Variants in ZFYVE28 observed in about 807,000 individuals in gnomAD.
ZFYVE28 encodes the protein lateral signaling target protein 2 homolog.
In ZFYVE28, 40 loss-of-function variants were observed where a neutral mutation model predicts 82.1. The observed-to-expected ratio is 0.49, with a 90% CI of 0.38 to 0.63. The LOEUF (loss-of-function observed/expected upper bound fraction) is 0.63. ZFYVE28 is among the 30% of genes least tolerant of loss of function. The pLI, the probability that ZFYVE28 is intolerant of heterozygous loss-of-function variation, is 0.00. For missense variants in ZFYVE28, 1,321 were observed against 1,242.1 expected (o/e 1.06, Z -0.96); for synonymous variants, 612 against 546.1 (o/e 1.12, Z -1.68).
In ZFYVE28 at chr4:2,405,785, C is replaced by T. The variant is rs140800113; in HGVS notation, c.39+12500G>A. On this transcript the variant is annotated intron_variant, in intron 1 of 12. Coordinates refer to ENST00000290974, the MANE Select transcript of ZFYVE28 (RefSeq NM_020972.3). ...CCCACTGGCTGGGCGCAGTGGCTCA[C>T]GCCTATAATCCCAGCACTTTGGGAG... is the stretch of plus-strand genomic sequence containing the variant. Among the ~76,000 whole-genome samples the T allele has an allele frequency of 2.1e-3, 321 of 152,344 alleles. 1 individual carries two copies. The highest frequency in any genetic ancestry group is 7.3e-3 in the African/African-American group (304 of 41,576).
At chr4:2,351,038 G>C (rs918205112) in intron 2 of ZFYVE28, among the ~76,000 whole-genome samples, 1 of 152,170 alleles carries the variant, frequency 6.6e-6, no homozygotes, top group African/African-American at 2.4e-5. Flanking sequence ...CCCAGAAGGG[G>C]GTCATGGGAG....
intron 1 of ZFYVE28, among the ~76,000 whole-genome samples, chr4:2,390,901 C>A (rs533396190): frequency 6.6e-6 from 1 of 152,372 alleles, no homozygotes; most frequent in South Asian, 2.1e-4. Context: ...GTTGAGGAAT[C>A]CCTGTCTGTT....
At chr4:2,301,305 C>G (rs931736437) in intron 8 of ZFYVE28, among the ~76,000 whole-genome samples, 1 of 152,206 alleles carries the variant, frequency 6.6e-6, no homozygotes, top group African/African-American at 2.4e-5. Context: ...TTGGATGGGA[C>G]AGCTGCCATG....
At chr4:2,415,392 G>A (rs1005604876) in intron 1 of ZFYVE28, among the ~76,000 whole-genome samples, 1 of 151,828 alleles carries the variant, frequency 6.6e-6, no homozygotes, top group Admixed American at 6.6e-5. Flanking sequence ...TGAGGCAGGA[G>A]GATTGCTTGA....
intron 1 of ZFYVE28, among the ~76,000 whole-genome samples, chr4:2,379,191 A>C (rs1363258246): frequency 6.6e-6 from 1 of 152,218 alleles, no homozygotes; most frequent in Admixed American, 6.5e-5. Context: ...AGGTGTGGGC[A>C]TTGGGGGGAC....
At position 2,404,319 on chromosome 4, in the gene ZFYVE28, A is replaced by AAAAC. The variant is rs532097151; in HGVS notation, c.39+13965_39+13966insGTTT. 7.9e-4 allele frequency among the ~76,000 whole-genome samples: 68 copies of AAAAC among 86,064 alleles called. 2 individuals carry two copies. Among genetic ancestry groups the AAAAC allele is most frequent in the East Asian group, 2.4e-3 (6 of 2,528 alleles). 56.5% of individuals were successfully genotyped at this position (86,064 alleles called of 152,430 possible). A position where few individuals can be genotyped will look rare whatever the true frequency, so the allele number is the denominator to read the frequency against. ...AGCGAGACTCCGCCTCAAAAAAAAA[A>AAAAC]AAAAAAAAACGCTGAAGATGGAGCT... is the stretch of plus-strand genomic sequence containing the variant. On this transcript the variant is annotated intron_variant, in intron 1 of 12. Coordinates refer to ENST00000290974, the MANE Select transcript of ZFYVE28 (RefSeq NM_020972.3).
intron 1 of ZFYVE28, among the ~76,000 whole-genome samples, chr4:2,401,465 G>A (rs982565211): frequency 1.3e-5 from 2 of 152,202 alleles, no homozygotes; most frequent in African/African-American, 4.8e-5. Context: ...CACCCTCCCG[G>A]CCGGGCAGCA....
At chr4:2,330,797 G>A in intron 6 of ZFYVE28, 1 of 1,529,160 alleles carries the variant, frequency 6.5e-7, no homozygotes, top group South Asian at 1.2e-5. Flanking sequence ...AGGGGACCCT[G>A]AGCGAAGGGG....
Position 2,304,757 on chromosome 4 carries a change from T to C in ZFYVE28, c.1583A>G (p.Asp528Gly). The C allele has an allele frequency of 6.2e-7, 1 of 1,612,316 alleles. No individual in the cohort carries two copies. Among genetic ancestry groups the C allele is most frequent in the Non-Finnish European group, 8.5e-7 (1 of 1,179,856 alleles). ...IFNPKSPTSLDSAVATQEAAS... is the reference protein window; with the variant it reads ...IFNPKSPTSLGSAVATQEAAS... ...GGCCTCCTGGGTGGCGACCGCAGAGTCCAGGGAAGTGGGCGATTTGGGGTT... is the reference window on the plus strand; with the variant it reads ...GGCCTCCTGGGTGGCGACCGCAGAGCCCAGGGAAGTGGGCGATTTGGGGTT... Residue 528 changes from aspartate (D) to glycine (G), a missense_variant, in exon 8 of 13, where the codon GAC becomes GGC. By Grantham distance (94) the Asp-to-Gly change is moderately conservative. This residue lies in a region of ZFYVE28 where 978 missense variants were observed against 833.7 expected (regional missense o/e 1.17). Coordinates refer to ENST00000290974, the MANE Select transcript of ZFYVE28 (RefSeq NM_020972.3).
intron 2 of ZFYVE28, among the ~76,000 whole-genome samples, chr4:2,344,786 C>T (rs561307582): frequency 6.6e-6 from 1 of 152,272 alleles, no homozygotes; most frequent in African/African-American, 2.4e-5. Flanking sequence ...ATCCCAACTA[C>T]TCAGGAGGCT....
chr4:2,368,211 C>CAA (rs34092714), intron 1 of ZFYVE28, among the ~76,000 whole-genome samples: 9 of 86,182 alleles, frequency 1.0e-4, no homozygotes, highest in South Asian at 4.8e-4. Context: ...CACATCTCTA[C>CAA]AAAAAAAAAA....
chr4:2,287,275 C>T (rs1303401743), intron 8 of ZFYVE28: 1 of 152,334 alleles, frequency 6.6e-6, no homozygotes, highest in Non-Finnish European at 1.5e-5. Flanking sequence ...GAGCATCTCT[C>T]ACCCGCTGGG....
chr4:2,389,701 A>G (rs1334666056), intron 1 of ZFYVE28, among the ~76,000 whole-genome samples: 1 of 152,146 alleles, frequency 6.6e-6, no homozygotes, highest in African/African-American at 2.4e-5. Flanking sequence ...GCAGATTCAG[A>G]CACATCCATT....
chr4:2,406,062 A>AGAAAGAAAG (rs11451239), intron 1 of ZFYVE28, among the ~76,000 whole-genome samples: 4 of 125,072 alleles, frequency 3.2e-5, no homozygotes, highest in African/African-American at 1.3e-4. Context: ...AAAAAAAAAA[A>AGAAAGAAAG]AAAGAAAGAA....
chr4:2,335,841 C>T lies in ZFYVE28; in HGVS notation c.612-47G>A, dbSNP rs1721602149. Reference sequence around the variant, plus strand: ...GAGCAGCATGAGGGCTGGCCCACCACAGCCACAGGTTGGACCCCAGCAGGG... The same window carrying T: ...GAGCAGCATGAGGGCTGGCCCACCATAGCCACAGGTTGGACCCCAGCAGGG... On this transcript the variant is annotated intron_variant, in intron 5 of 12. Transcript: ENST00000290974. The surrounding 1 kb of genome is among the most constrained non-coding windows in gnomAD (Gnocchi z 5.8). The T allele has an allele frequency of 6.6e-7, 1 of 1,507,650 alleles. No homozygotes were observed. The highest frequency in any genetic ancestry group is 2.0e-5 in the Admixed American group (1 of 50,942). 93.4% of individuals were successfully genotyped at this position (1,507,650 alleles called of 1,614,324 possible).
chr4:2,291,050 C>G (rs146032387), intron 8 of ZFYVE28, among the ~76,000 whole-genome samples: 26 of 152,314 alleles, frequency 1.7e-4, no homozygotes, highest in African/African-American at 6.3e-4. Context: ...TGCTCCTGCC[C>G]CCGGCACACG....
intron 7 of ZFYVE28, among the ~76,000 whole-genome samples, chr4:2,306,616 T>A (rs1716613231): frequency 1.3e-5 from 2 of 152,230 alleles, no homozygotes; most frequent in Non-Finnish European, 2.9e-5. Context: ...CAATTTCAGA[T>A]AAACAACAAA....
rs141226986 is a variant in ZFYVE28 at position 2,300,896 on chromosome 4, G to A, written c.2051+3393C>T. On this transcript the variant is annotated intron_variant, in intron 8 of 12. Coordinates refer to ENST00000290974, the MANE Select transcript of ZFYVE28 (RefSeq NM_020972.3). The surrounding 1 kb of genome is among the most constrained non-coding windows in gnomAD (Gnocchi z 4.6). ...GCGGGTCTCACGGCCAAACAGGCCC[G>A]GGCTCTTCCAGATGCTCTCAGCTGA... 1.4e-4 allele frequency among the ~76,000 whole-genome samples: 22 copies of A among 152,248 alleles called. No homozygotes were observed. The highest frequency in any genetic ancestry group is 2.8e-4 in the Non-Finnish European group (19 of 68,012).
At chr4:2,375,068 T>C in intron 1 of ZFYVE28, among the ~76,000 whole-genome samples, 1 of 151,950 alleles carries the variant, frequency 6.6e-6, no homozygotes. Flanking sequence ...GAACAGCAGT[T>C]CAGACCTCCA....
Sources: allele counts gnomAD v4.1 joint callset (sites outside exome capture counted in the v4.1 genomes callset), GRCh38; gene constraint gnomAD v4.1.1; regional missense constraint gnomAD v4.1.1; non-coding constraint Gnocchi (gnomAD v3.1); transcripts MANE v1.5; gene names NCBI Gene and HGNC (gene_info 2026-07-23, HGNC 2026-07-21).